COL11A1: variants seen among roughly 807,000 people sequenced by gnomAD.
COL11A1 encodes collagen type XI alpha 1 chain.
A neutral mutation model predicts 265.2 loss-of-function variants in COL11A1; 74 were observed. The ratio of observed to expected loss-of-function variants is 0.28; its 90% CI spans 0.23 to 0.34. COL11A1 has a LOEUF of 0.34. COL11A1 is among the 10% of genes least tolerant of loss of function. The probability of loss-of-function intolerance (pLI) is 1.00; values close to 1 mark genes in which losing one functional copy is unlikely to be tolerated. For missense variants in COL11A1, 2,165 were observed against 2,263.6 expected (o/e 0.96, Z 0.88); for synonymous variants, 816 against 727.6 (o/e 1.12, Z -1.96).
chr1:103,089,333 GA>G (rs1473776598), intron 1 of COL11A1, among the ~76,000 whole-genome samples: 1 of 152,120 alleles, frequency 6.6e-6, no homozygotes, highest in Non-Finnish European at 1.5e-5. Context: ...GCTCATCCAA[GA>G]GGATGATGTG....
intron 49 of COL11A1, among the ~76,000 whole-genome samples, chr1:102,918,881 G>A (rs1229663195): frequency 6.6e-6 from 1 of 152,024 alleles, no homozygotes; most frequent in African/African-American, 2.4e-5. Context: ...GAGTAGCACT[G>A]AAATAATGAC....
intron 19 of COL11A1, 57 bp from the exon 20 acceptor site, chr1:103,004,545 C>T: frequency 1.3e-6 from 2 of 1,588,482 alleles, no homozygotes; most frequent in Admixed American, 3.3e-5. Flanking sequence ...ATCATTTCAA[C>T]ATGATTTTGT....
chr1:102,955,364 A>G (rs1660270027), intron 41 of COL11A1, among the ~76,000 whole-genome samples: 1 of 152,154 alleles, frequency 6.6e-6, no homozygotes. Flanking sequence ...AGTCAGAATC[A>G]TGGGGGGATG....
intron 41 of COL11A1, among the ~76,000 whole-genome samples, chr1:102,956,747 TG>T (rs1660406380): frequency 2.0e-5 from 3 of 151,916 alleles, no homozygotes; most frequent in African/African-American, 7.2e-5. Flanking sequence ...TAGGTACTTT[TG>T]ATAGTAAGTT....
At chr1:103,049,280 C>T (rs1319491738) in intron 4 of COL11A1, among the ~76,000 whole-genome samples, 1 of 152,174 alleles carries the variant, frequency 6.6e-6, no homozygotes, top group African/African-American at 2.4e-5. Context: ...AATCTGGGTG[C>T]TCCTGTATTG....
intron 4 of COL11A1, among the ~76,000 whole-genome samples, chr1:103,050,308 TC>T (rs1351017612): frequency 1.3e-5 from 2 of 152,214 alleles, no homozygotes; most frequent in Non-Finnish European, 2.9e-5. Context: ...TTCTTTTTAT[TC>T]TTTTTTCTCT....
At chr1:103,041,370 C>A (rs1483972934) in intron 4 of COL11A1, among the ~76,000 whole-genome samples, 2 of 150,600 alleles carry the variant, frequency 1.3e-5, no homozygotes, top group African/African-American at 4.9e-5. Context: ...CAATTTTTAG[C>A]ATCATCCTTT....
Position 103,082,934 on chromosome 1 carries a change from T to A in COL11A1, c.145A>T (p.Asn49Tyr). The change falls in exon 2 of 67, where the codon AAT (asparagine) becomes TAT (tyrosine). Residue 49 changes from asparagine to tyrosine, a missense_variant. Asn to Tyr is a moderately radical substitution (Grantham distance 143). Coordinates refer to ENST00000370096, the MANE Select transcript of COL11A1 (RefSeq NM_001854.4). ...VDVLKALDFH[N>Y]SPEGISKTTG... Reference sequence around the variant, plus strand: ...GTTTTTGATATTCCCTCTGGAGAATTGTGAAAATCTAGTGCTTTTAGTACA... The same window carrying A: ...GTTTTTGATATTCCCTCTGGAGAATAGTGAAAATCTAGTGCTTTTAGTACA... 6.2e-7 allele frequency: 1 copy of A among 1,613,300 alleles called. No individual in the cohort carries two copies. Among genetic ancestry groups the A allele is most frequent in the Non-Finnish European group, 8.5e-7 (1 of 1,179,620 alleles).
intron 37 of COL11A1, among the ~76,000 whole-genome samples, chr1:102,968,025 A>T (rs894196429): frequency 6.6e-6 from 1 of 152,206 alleles, no homozygotes; most frequent in Non-Finnish European, 1.5e-5. Flanking sequence ...CATTGCCCAT[A>T]TGTCTGCTCA....
intron 30 of COL11A1, 135 bp from the exon 31 acceptor site, chr1:102,984,326 T>C: frequency 1.7e-6 from 1 of 596,612 alleles, no homozygotes; most frequent in Admixed American, 2.9e-5. Flanking sequence ...TTTGTCATTA[T>C]TTACCTTCAT....
intron 3 of COL11A1, among the ~76,000 whole-genome samples, 173 bp downstream of exon 3, chr1:103,078,485 T>C (rs1368408442): frequency 6.6e-6 from 1 of 152,138 alleles, no homozygotes; most frequent in Non-Finnish European, 1.5e-5. Flanking sequence ...TTGAAAACAT[T>C]GTTTATTGTT....
rs954754387 is a variant in COL11A1, at chr1:103,104,109, C to A, written c.106+3964G>T. On this transcript the variant is annotated intron_variant, in intron 1 of 66. Coordinates refer to ENST00000370096, the MANE Select transcript of COL11A1 (RefSeq NM_001854.4). ...CAATTTCTATAATTTCTAGTGCTAGCATTCTCTTTTAAAAATCTTATATAA... is the reference window on the plus strand; with the variant it reads ...CAATTTCTATAATTTCTAGTGCTAGAATTCTCTTTTAAAAATCTTATATAA... Among the ~76,000 whole-genome samples, 11 of 152,000 alleles carry A rather than the reference C, an allele frequency of 7.2e-5. 1 individual carries two copies. Among genetic ancestry groups the A allele is most frequent in the Non-Finnish European group, 1.0e-4 (7 of 67,940 alleles).
chr1:102,938,431 C>G (rs924786354), intron 44 of COL11A1, among the ~76,000 whole-genome samples: 10 of 151,850 alleles, frequency 6.6e-5, no homozygotes, highest in Admixed American at 5.9e-4. Flanking sequence ...CACAGATATT[C>G]TTTAGAGAGT....
intron 42 of COL11A1, 48 bp from the exon 43 acceptor site, chr1:102,940,482 G>T: frequency 1.5e-6 from 2 of 1,325,150 alleles, no homozygotes; most frequent in Non-Finnish European, 1.1e-6. Context: ...TTGAAGTGCA[G>T]CTACAAGAGT....
chr1:102,953,373 G>C (rs147442303), intron 41 of COL11A1, among the ~76,000 whole-genome samples: 1 of 152,046 alleles, frequency 6.6e-6, no homozygotes, highest in Non-Finnish European at 1.5e-5. Flanking sequence ...GGAACCACTA[G>C]CTTTCTGATC....
intron 23 of COL11A1, among the ~76,000 whole-genome samples, 200 bp downstream of exon 23, chr1:103,002,228 A>G (rs1224149752): frequency 1.3e-5 from 2 of 152,110 alleles, no homozygotes; most frequent in Non-Finnish European, 2.9e-5. Flanking sequence ...ACATTGAATG[A>G]GTCATTTTTC....
chr1:102,980,456 C>T (rs1254717000), intron 31 of COL11A1, among the ~76,000 whole-genome samples: 1 of 151,996 alleles, frequency 6.6e-6, no homozygotes, highest in Non-Finnish European at 1.5e-5. Context: ...TGTTCACATC[C>T]TTGCTGCTCA....
intron 41 of COL11A1, among the ~76,000 whole-genome samples, chr1:102,955,261 AAAT>A (rs1451192972): frequency 6.6e-6 from 1 of 152,224 alleles, no homozygotes; most frequent in Non-Finnish European, 1.5e-5. Flanking sequence ...GAAGAAAAAA[AAAT>A]AAGAGGAATA....
intron 41 of COL11A1, among the ~76,000 whole-genome samples, chr1:102,953,373 G>A (rs147442303): frequency 6.6e-6 from 1 of 152,166 alleles, no homozygotes; most frequent in East Asian, 1.9e-4. Context: ...GGAACCACTA[G>A]CTTTCTGATC....
Sources: allele counts gnomAD v4.1 joint callset (sites outside exome capture counted in the v4.1 genomes callset), GRCh38; gene constraint gnomAD v4.1.1; transcripts MANE v1.5; gene names NCBI Gene and HGNC (gene_info 2026-07-23, HGNC 2026-07-21).